Variants in ATE1 observed in about 807,000 individuals in gnomAD.
ATE1 encodes arginyl-tRNA--protein transferase 1.
In ATE1, 36 loss-of-function variants were observed where a neutral mutation model predicts 70.5. The ratio of observed to expected loss-of-function variants is 0.51; its 90% CI spans 0.39 to 0.67. The LOEUF (loss-of-function observed/expected upper bound fraction) is 0.67. Ranked by LOEUF, ATE1 falls within the 30% of genes least tolerant of loss-of-function variation. ATE1 has a pLI of 0.00. For missense variants in ATE1, 593 were observed against 629.5 expected (o/e 0.94, Z 0.62); for synonymous variants, 232 against 219.3 (o/e 1.06, Z -0.51).
intron 10 of ATE1, among the ~76,000 whole-genome samples, chr10:121,795,951 C>T (rs4752595): frequency 0.66 from 100,589 of 152,038 alleles, 33,399 homozygotes; most frequent in African/African-American, 0.71. Flanking sequence ...CCTCTAAGTA[C>T]ATTCATTCAG....
chr10:121,765,878 T>TA (rs150338911), intron 11 of ATE1, among the ~76,000 whole-genome samples: 2,304 of 152,230 alleles, frequency 0.015, 56 homozygotes, highest in East Asian at 0.12. Flanking sequence ...CTGTGGGGGC[T>TA]AAAAAAACCA....
At chr10:121,881,312 T>C (rs1260815025) in intron 7 of ATE1, among the ~76,000 whole-genome samples, 3 of 152,176 alleles carry the variant, frequency 2.0e-5, no homozygotes, top group African/African-American at 7.2e-5. Context: ...GCATACAGTA[T>C]TTTTATAAGT....
At chr10:121,891,511 T>C (rs1182332530) in intron 7 of ATE1, among the ~76,000 whole-genome samples, 3 of 152,186 alleles carry the variant, frequency 2.0e-5, no homozygotes, top group Non-Finnish European at 4.4e-5. Context: ...CTCAGGGTGC[T>C]TTCTGTTAGA....
At chr10:121,776,022 C>T (rs1249864067) in intron 11 of ATE1, among the ~76,000 whole-genome samples, 1 of 152,110 alleles carries the variant, frequency 6.6e-6, no homozygotes, top group African/African-American at 2.4e-5. Flanking sequence ...CTGTAATGTG[C>T]ATATATTAGT....
chr10:121,783,355 A>G (rs969087496), intron 11 of ATE1, among the ~76,000 whole-genome samples: 1 of 152,154 alleles, frequency 6.6e-6, no homozygotes, highest in Non-Finnish European at 1.5e-5. Context: ...AGATGTCATA[A>G]AGCTCCTTAA....
intron 10 of ATE1, among the ~76,000 whole-genome samples, chr10:121,806,957 A>G (rs1039616545): frequency 2.6e-5 from 4 of 152,178 alleles, no homozygotes; most frequent in African/African-American, 9.7e-5. Flanking sequence ...TTGTGCTCCC[A>G]CAGAATTTTG....
intron 10 of ATE1, among the ~76,000 whole-genome samples, chr10:121,825,009 A>C (rs888617648): frequency 2.6e-5 from 4 of 151,962 alleles, no homozygotes; most frequent in African/African-American, 7.2e-5. Flanking sequence ...GACAAAGTAA[A>C]GAAAAAAAGG....
chr10:121,752,755 G>C (rs1439533312), intron 11 of ATE1, among the ~76,000 whole-genome samples: 1 of 152,138 alleles, frequency 6.6e-6, no homozygotes, highest in African/African-American at 2.4e-5. Context: ...CCACAGATCT[G>C]TATGTCTACC....
At chr10:121,793,684 A>C (rs997946854) in intron 10 of ATE1, among the ~76,000 whole-genome samples, 2 of 152,158 alleles carry the variant, frequency 1.3e-5, no homozygotes, top group Non-Finnish European at 2.9e-5. Flanking sequence ...GCCTTTCCTT[A>C]TTAAACAATT....
chr10:121,922,495 G>A lies in ATE1; in HGVS notation c.171-84C>T, dbSNP rs547229820. The A allele has an allele frequency of 1.0e-4, 81 of 811,770 alleles. No homozygotes were observed. The African/African-American group carries it at 1.3e-3, about 13-fold the overall frequency. The allele number at this position is 811,770 out of a possible 1,614,324, so 50.3% of individuals were successfully genotyped here. On this transcript the variant is annotated intron_variant, in intron 2 of 11. Coordinates refer to ENST00000224652, the MANE Select transcript of ATE1 (RefSeq NM_001001976.3). ...GCCTAGCACAGGAGCATTAAATTAA[G>A]GTTAAAAATCTAATCAACATTGTAG...
intron 8 of ATE1, among the ~76,000 whole-genome samples, chr10:121,843,276 G>A (rs530842319): frequency 2.6e-5 from 4 of 152,136 alleles, no homozygotes; most frequent in South Asian, 2.1e-4. Context: ...ACAAAACTCC[G>A]ACAAAAGGAA....
chr10:121,841,572 T>G (rs1009274283), intron 8 of ATE1, among the ~76,000 whole-genome samples: 1 of 152,200 alleles, frequency 6.6e-6, no homozygotes, highest in African/African-American at 2.4e-5. Context: ...CTTCCATTTC[T>G]ATACTACTCA....
At chr10:121,859,109 G>A (rs576297311) in intron 8 of ATE1, among the ~76,000 whole-genome samples, 123 of 151,624 alleles carry the variant, frequency 8.1e-4, no homozygotes, top group African/African-American at 2.8e-3. Flanking sequence ...AAAAAAGAAA[G>A]AAAGAAAAAA....
intron 10 of ATE1, among the ~76,000 whole-genome samples, chr10:121,816,426 C>T (rs1443645336): frequency 6.6e-6 from 1 of 152,176 alleles, no homozygotes; most frequent in African/African-American, 2.4e-5. Context: ...GGGCTCCACC[C>T]TCATCAATGG....
chr10:121,926,141 G>A (rs1277828996), intron 1 of ATE1, among the ~76,000 whole-genome samples: 1 of 152,110 alleles, frequency 6.6e-6, no homozygotes, highest in African/African-American at 2.4e-5. Context: ...CCTGGGAGGT[G>A]GAGGTTGCAG....
intron 7 of ATE1, among the ~76,000 whole-genome samples, chr10:121,897,037 T>C (rs1189391358): frequency 1.3e-5 from 2 of 152,122 alleles, no homozygotes; most frequent in African/African-American, 4.8e-5. Flanking sequence ...TTTCCAGACT[T>C]GGCTCAAATG....
intron 11 of ATE1, among the ~76,000 whole-genome samples, chr10:121,747,073 CCA>C (rs1157494505): frequency 1.3e-5 from 2 of 152,144 alleles, no homozygotes; most frequent in Non-Finnish European, 2.9e-5. Context: ...GCAGAGAAGA[CCA>C]CAGTCTTTCA....
chr10:121,906,491 T>C (rs1951196505), intron 5 of ATE1, among the ~76,000 whole-genome samples: 1 of 151,734 alleles, frequency 6.6e-6, no homozygotes. Context: ...ATCGTGTCAC[T>C]ACACTCCAGC....
intron 11 of ATE1, among the ~76,000 whole-genome samples, chr10:121,760,429 G>A (rs576701820): frequency 6.6e-6 from 1 of 152,210 alleles, no homozygotes; most frequent in African/African-American, 2.4e-5. Context: ...ACAGACATTT[G>A]GACGAAGTTG....
Sources: gnomAD v4.1 joint callset for allele counts (sites outside exome capture counted in the v4.1 genomes callset) on GRCh38, gnomAD v4.1.1 for gene constraint, MANE v1.5 for transcripts, NCBI Gene and HGNC (gene_info 2026-07-23, HGNC 2026-07-21) for gene names.